Variants in VAT1L observed in about 807,000 individuals in gnomAD.
The protein encoded by VAT1L is putative NADPH-dependent quinone oxidoreductase VAT1L.
A neutral mutation model predicts 44.1 loss-of-function variants in VAT1L; 34 were observed. The observed-to-expected ratio is 0.77, with a 90% CI of 0.59 to 1.03. The LOEUF (loss-of-function observed/expected upper bound fraction) is 1.03, where lower values mean the gene tolerates loss of function less well. VAT1L is among the 50% of genes least tolerant of loss of function. The probability of loss-of-function intolerance (pLI) is 0.00; values close to 1 mark genes in which losing one functional copy is unlikely to be tolerated. For missense variants in VAT1L, 615 were observed against 538.8 expected, an observed-to-expected ratio of 1.14 and a Z score of -1.40; for synonymous variants, 253 against 202.2, an observed-to-expected ratio of 1.25 and a Z score of -2.13.
chr16:77,839,467 C>A (rs1157095068), intron 3 of VAT1L, among the ~76,000 whole-genome samples: 4 of 133,696 alleles, frequency 3.0e-5, no homozygotes, highest in Non-Finnish European at 4.6e-5. Flanking sequence ...ACCTGGGAGG[C>A]AGAGCTTGCA....
rs1020628713 is a variant in VAT1L at position 77,977,959 on chromosome 16, T to C, written c.*264T>C. 5 of 405,878 alleles carry C rather than the reference T, an allele frequency of 1.2e-5. No individual in the cohort carries two copies. The highest frequency in any genetic ancestry group is 2.3e-5 in the Non-Finnish European group (5 of 217,586). The allele number at this position is 405,878 out of a possible 1,614,324, so 25.1% of individuals were successfully genotyped here. On this transcript the variant is annotated 3_prime_UTR_variant, in exon 9 of 9. Coordinates refer to ENST00000302536, the MANE Select transcript of VAT1L (RefSeq NM_020927.3). ...AAACCATCCATCTGTGGGTTCTTCTTGACAGTTCTAGAACAGCCTTGCAAA... is the reference window on the plus strand; with the variant it reads ...AAACCATCCATCTGTGGGTTCTTCTCGACAGTTCTAGAACAGCCTTGCAAA...
chr16:77,920,874 C>A (rs1371797188), intron 7 of VAT1L, among the ~76,000 whole-genome samples: 3 of 152,046 alleles, frequency 2.0e-5, no homozygotes, highest in Non-Finnish European at 4.4e-5. Context: ...AATAACAAAA[C>A]CCCCTAACCA....
intron 7 of VAT1L, among the ~76,000 whole-genome samples, chr16:77,962,498 G>A (rs144492324): frequency 1.7e-3 from 259 of 152,210 alleles, no homozygotes; most frequent in African/African-American, 5.6e-3. Flanking sequence ...CTCTCCTCTG[G>A]ACTTGGGAGT....
chr16:77,973,106 G>T (rs2018297973), intron 8 of VAT1L, among the ~76,000 whole-genome samples: 1 of 152,112 alleles, frequency 6.6e-6, no homozygotes, highest in South Asian at 2.1e-4. Context: ...GAGGAACTAT[G>T]TAGTGGTGTG....
intron 1 of VAT1L, chr16:77,801,379 T>G: frequency 6.6e-6 from 1 of 152,128 alleles, no homozygotes; most frequent in East Asian, 1.9e-4. Context: ...GAACATTCAG[T>G]AATAGCTGAA....
At chr16:77,859,390 G>T (rs553228321) in intron 3 of VAT1L, among the ~76,000 whole-genome samples, 59 of 152,188 alleles carry the variant, frequency 3.9e-4, no homozygotes, top group Non-Finnish European at 6.6e-4. Context: ...TAACTGTGGT[G>T]GCTGAAGTTC....
intron 7 of VAT1L, among the ~76,000 whole-genome samples, chr16:77,927,466 A>T (rs551823593): frequency 6.6e-6 from 1 of 152,010 alleles, no homozygotes. Flanking sequence ...AAACCAATTG[A>T]TCCATCTCCA....
At chr16:77,816,500 T>C (rs2016357666) in intron 1 of VAT1L, among the ~76,000 whole-genome samples, 1 of 152,232 alleles carries the variant, frequency 6.6e-6, no homozygotes, top group African/African-American at 2.4e-5. Flanking sequence ...CCATTAGGTC[T>C]GGCTGCTTTC....
At chr16:77,841,500 C>T (rs1431392055) in intron 3 of VAT1L, among the ~76,000 whole-genome samples, 1 of 152,226 alleles carries the variant, frequency 6.6e-6, no homozygotes, top group Non-Finnish European at 1.5e-5. Flanking sequence ...TTGTCACCCT[C>T]CTAATGGTAG....
chr16:77,945,303 G>T (rs1417185381), intron 7 of VAT1L, among the ~76,000 whole-genome samples: 2 of 2,398 alleles, frequency 8.3e-4, no homozygotes, highest in Non-Finnish European at 8.9e-3. Context: ...TTGAGAGAGA[G>T]AAAGAGTGTG....
chr16:77,976,160 C>A (rs563698172), intron 8 of VAT1L, among the ~76,000 whole-genome samples: 1 of 152,154 alleles, frequency 6.6e-6, no homozygotes, highest in Non-Finnish European at 1.5e-5. Context: ...AAGAAAACTG[C>A]AGAGACATGG....
chr16:77,947,681 G>A (rs1210212052), intron 7 of VAT1L, among the ~76,000 whole-genome samples: 1 of 152,212 alleles, frequency 6.6e-6, no homozygotes. Context: ...TCCCCTGAAT[G>A]AGCAATGCAT....
intron 7 of VAT1L, among the ~76,000 whole-genome samples, chr16:77,897,916 T>C (rs1425732475): frequency 6.6e-6 from 1 of 152,200 alleles, no homozygotes; most frequent in African/African-American, 2.4e-5. Flanking sequence ...TTGCTAGGGC[T>C]GTTGTAACAA....
intron 7 of VAT1L, among the ~76,000 whole-genome samples, chr16:77,939,216 A>G (rs1419926626): frequency 1.3e-5 from 2 of 152,240 alleles, no homozygotes; most frequent in Non-Finnish European, 2.9e-5. Context: ...CTGTAGGACT[A>G]AACGCTTAAC....
Position 77,788,831 on chromosome 16 carries a change from T to A in VAT1L, c.149T>A (p.Phe50Tyr). 1 of 1,579,500 alleles carries A rather than the reference T, an allele frequency of 6.3e-7. No individual in the cohort carries two copies. The highest frequency in any genetic ancestry group is 8.6e-7 in the Non-Finnish European group (1 of 1,164,002). ...QEMRAVVLAG[F>Y]GGLNKLRLFR... ...ATGCGCGCGGTGGTGCTGGCTGGCT[T>A]CGGGGGGCTCAACAAGCTGCGGCTC... The change falls in exon 1 of 9, where the codon TTC becomes TAC. Residue 50 changes from phenylalanine (F) to tyrosine (Y), a missense_variant. By Grantham distance (22) the Phe-to-Tyr change is conservative. Coordinates refer to ENST00000302536, the MANE Select transcript of VAT1L (RefSeq NM_020927.3).
At chr16:77,936,582 G>C (rs774059267) in intron 7 of VAT1L, among the ~76,000 whole-genome samples, 18 of 152,102 alleles carry the variant, frequency 1.2e-4, no homozygotes, top group Non-Finnish European at 2.2e-4. Flanking sequence ...GATTTACTCG[G>C]CAAAAAGGAA....
chr16:77,822,301 AT>A (rs1461556990), intron 2 of VAT1L, among the ~76,000 whole-genome samples: 1 of 151,832 alleles, frequency 6.6e-6, no homozygotes, highest in Admixed American at 6.6e-5. Flanking sequence ...CACCTGGCTA[AT>A]TTTGTATTTT....
chr16:77,853,864 G>A (rs1334400201), intron 3 of VAT1L, among the ~76,000 whole-genome samples: 1 of 152,096 alleles, frequency 6.6e-6, no homozygotes, highest in Non-Finnish European at 1.5e-5. Flanking sequence ...AATGAGGCCG[G>A]GCGCCGTGAC....
intron 7 of VAT1L, among the ~76,000 whole-genome samples, chr16:77,910,126 G>C (rs1330482764): frequency 6.6e-6 from 1 of 152,186 alleles, no homozygotes; most frequent in Non-Finnish European, 1.5e-5. Context: ...AAGGGAAAAA[G>C]GCATCCCTGA....
Sources: allele counts gnomAD v4.1 joint callset (sites outside exome capture counted in the v4.1 genomes callset), GRCh38; gene constraint gnomAD v4.1.1; transcripts MANE v1.5; gene names NCBI Gene and HGNC (gene_info 2026-07-23, HGNC 2026-07-21).